The following ENOX1 variants were observed in gnomAD, a reference collection of about 807,000 sequenced individuals.
ENOX1 encodes ecto-NOX disulfide-thiol exchanger 1, also known as candidate growth-related and time keeping constitutive hydroquinone (NADH) oxidase.
Under a neutral mutation model 82.5 loss-of-function variants are expected in ENOX1, and 42 were observed. The ratio of observed to expected loss-of-function variants is 0.51; its 90% CI spans 0.40 to 0.66. The LOEUF is 0.66. Among genes scored for constraint, ENOX1 ranks in the 30% least tolerant of loss-of-function variants. The pLI is 0.00. For synonymous variants in ENOX1, 271 were observed against 282.2 expected (o/e 0.96, Z 0.40); for missense variants, 608 against 811.6 (o/e 0.75, Z 3.05).
At chr13:43,577,044 A>T (rs888798615) in intron 2 of ENOX1, among the ~76,000 whole-genome samples, 2 of 152,258 alleles carry the variant, frequency 1.3e-5, no homozygotes, top group African/African-American at 4.8e-5. Context: ...GTATAATAAG[A>T]AGTGGTTGCC....
chr13:43,357,114 A>C (rs1270680054), intron 7 of ENOX1, among the ~76,000 whole-genome samples: 1 of 152,202 alleles, frequency 6.6e-6, no homozygotes, highest in African/African-American at 2.4e-5. Flanking sequence ...TGGGGTACTC[A>C]GATTTTCAGA....
intron 5 of ENOX1, among the ~76,000 whole-genome samples, chr13:43,392,327 T>G (rs370009197): frequency 1.3e-5 from 2 of 152,290 alleles, no homozygotes; most frequent in East Asian, 3.9e-4. Context: ...GTATTCACAA[T>G]AAAACATGGT....
intron 1 of ENOX1, among the ~76,000 whole-genome samples, chr13:43,740,155 T>A (rs2153826294): frequency 6.6e-6 from 1 of 152,124 alleles, no homozygotes; most frequent in African/African-American, 2.4e-5. Context: ...TCATAAGTCG[T>A]GAGTTAGAAG....
intron 2 of ENOX1, among the ~76,000 whole-genome samples, chr13:43,553,160 C>G (rs1372484894): frequency 6.6e-6 from 1 of 151,924 alleles, no homozygotes; most frequent in African/African-American, 2.4e-5. Context: ...GAATGGCACA[C>G]AAAAACGAAA....
chr13:43,610,954 G>A (rs1164286885), intron 2 of ENOX1, among the ~76,000 whole-genome samples: 2 of 152,212 alleles, frequency 1.3e-5, no homozygotes, highest in Admixed American at 6.5e-5. Flanking sequence ...TAGGATGGTG[G>A]TGGTTACACT....
At chr13:43,371,284 GAAGTCGC>G (rs1261915932) in intron 5 of ENOX1, among the ~76,000 whole-genome samples, 1 of 152,210 alleles carries the variant, frequency 6.6e-6, no homozygotes, top group Non-Finnish European at 1.5e-5. Context: ...AAGCCCCTAA[GAAGTCGC>G]TAATTTTTAT....
intron 1 of ENOX1, among the ~76,000 whole-genome samples, chr13:43,746,623 ACTG>A (rs1950034582): frequency 2.6e-5 from 4 of 152,304 alleles, no homozygotes; most frequent in African/African-American, 9.6e-5. Context: ...ACAACAGATC[ACTG>A]TTCATCCATA....
chr13:43,392,849 GT>G (rs2052879872), intron 5 of ENOX1, among the ~76,000 whole-genome samples: 1 of 151,680 alleles, frequency 6.6e-6, no homozygotes, highest in African/African-American at 2.4e-5. Context: ...TTATGAATTT[GT>G]TTTTTTCATT....
At chr13:43,310,352 T>C (rs1479034206) in intron 11 of ENOX1, among the ~76,000 whole-genome samples, 4 of 152,096 alleles carry the variant, frequency 2.6e-5, no homozygotes, top group African/African-American at 9.7e-5. Flanking sequence ...GTGACCTTGA[T>C]TGAATTAAAG....
chr13:43,619,044 A>G (rs1451974976), intron 2 of ENOX1, among the ~76,000 whole-genome samples: 2 of 140,408 alleles, frequency 1.4e-5, no homozygotes, highest in African/African-American at 2.7e-5. Context: ...TTTTCTAGCC[A>G]CTGTTGGTGT....
intron 14 of ENOX1, among the ~76,000 whole-genome samples, chr13:43,239,707 G>A (rs1013433102): frequency 6.6e-6 from 1 of 152,186 alleles, no homozygotes; most frequent in Admixed American, 6.5e-5. Context: ...TTAGATGGGT[G>A]AATGCTTATG....
intron 5 of ENOX1, among the ~76,000 whole-genome samples, chr13:43,404,063 C>G (rs1283150148): frequency 2.0e-5 from 3 of 152,116 alleles, no homozygotes; most frequent in African/African-American, 7.2e-5. Context: ...TGGACAGCAG[C>G]CTTCTAGATA....
intron 12 of ENOX1, among the ~76,000 whole-genome samples, chr13:43,296,346 A>G (rs1298055332): frequency 6.6e-6 from 1 of 152,206 alleles, no homozygotes; most frequent in Non-Finnish European, 1.5e-5. Context: ...GGAGAATGAC[A>G]AGGGATGATG....
chr13:43,285,948 T>C (rs2045678376), intron 12 of ENOX1, among the ~76,000 whole-genome samples: 1 of 151,560 alleles, frequency 6.6e-6, no homozygotes, highest in Non-Finnish European at 1.5e-5. Context: ...GAGAAGGAAA[T>C]TGGCTGGTCT....
intron 7 of ENOX1, among the ~76,000 whole-genome samples, chr13:43,359,289 A>G (rs553382134): frequency 6.6e-4 from 100 of 152,368 alleles, no homozygotes; most frequent in African/African-American, 2.4e-3. Flanking sequence ...ACTTGGCCCA[A>G]TACCCACAGA....
chr13:43,711,741 A>G (rs370444228), intron 1 of ENOX1, among the ~76,000 whole-genome samples: 22 of 148,970 alleles, frequency 1.5e-4, no homozygotes, highest in Admixed American at 1.3e-4. Context: ...GTCTGTTCAT[A>G]TCCTTCACCC....
At chr13:43,249,299 G>A (rs2043316740) in intron 14 of ENOX1, among the ~76,000 whole-genome samples, 1 of 152,074 alleles carries the variant, frequency 6.6e-6, no homozygotes, top group Non-Finnish European at 1.5e-5. Context: ...AAAAATAGCT[G>A]TGTGTTTCTC....
At chr13:43,354,532 G>A (rs2050024918) in intron 8 of ENOX1, among the ~76,000 whole-genome samples, 1 of 151,462 alleles carries the variant, frequency 6.6e-6, no homozygotes, top group South Asian at 2.1e-4. Flanking sequence ...TAGGTGTTAG[G>A]CAGCTTTTCA....
chr13:43,598,440 A>T (rs2081562482), intron 2 of ENOX1, among the ~76,000 whole-genome samples: 1 of 152,098 alleles, frequency 6.6e-6, no homozygotes, highest in African/African-American at 2.4e-5. Flanking sequence ...AGAACTCCAA[A>T]CCTTCATTTT....
Sources: gnomAD v4.1 joint callset for allele counts (sites outside exome capture counted in the v4.1 genomes callset) on GRCh38, gnomAD v4.1.1 for gene constraint, MANE v1.5 for transcripts, NCBI Gene and HGNC (gene_info 2026-07-23, HGNC 2026-07-21) for gene names.